Variants in MSRA observed in about 807,000 individuals in gnomAD.
MSRA encodes methionine sulfoxide reductase A.
MSRA carries 54 observed loss-of-function variants against 31.3 expected under a neutral mutation model. The observed-to-expected ratio is 1.73, with a 90% CI of 1.39 to 2.17. The LOEUF is 2.17. Among genes scored for constraint, MSRA ranks in the 30% most tolerant of loss-of-function variants. The probability of loss-of-function intolerance (pLI) is 0.00; values close to 1 mark genes in which losing one functional copy is unlikely to be tolerated. For synonymous variants in MSRA, 169 were observed against 116.5 expected, an observed-to-expected ratio of 1.45 and a Z score of -2.90; for missense variants, 507 against 300.9, an observed-to-expected ratio of 1.69 and a Z score of -5.07.
At chr8:10,360,237 T>G (rs1804766629) in intron 5 of MSRA, among the ~76,000 whole-genome samples, 4 of 152,176 alleles carry the variant, frequency 2.6e-5, no homozygotes, top group Admixed American at 2.6e-4. Flanking sequence ...TTGTTGGATA[T>G]TTTGGTGTTT....
chr8:10,245,003 A>G, intron 2 of MSRA, 101 bp from the exon 3 acceptor site: 1 of 1,087,452 alleles, frequency 9.2e-7, no homozygotes, highest in East Asian at 2.6e-5. Flanking sequence ...TGACAGGAGC[A>G]ACTTTTTTTT....
chr8:10,257,158 T>C (rs1798226938), intron 3 of MSRA, among the ~76,000 whole-genome samples: 2 of 152,028 alleles, frequency 1.3e-5, no homozygotes, highest in South Asian at 4.1e-4. Context: ...ATGACACCAT[T>C]TCCATCAGGG....
At chr8:10,400,635 G>C (rs984261885) in intron 5 of MSRA, among the ~76,000 whole-genome samples, 1 of 152,140 alleles carries the variant, frequency 6.6e-6, no homozygotes, top group Non-Finnish European at 1.5e-5. Context: ...CCTCTCAGGG[G>C]AGTCTGGTTG....
chr8:10,154,993 G>A (rs1188630744), intron 1 of MSRA, among the ~76,000 whole-genome samples: 2 of 103,150 alleles, frequency 1.9e-5, no homozygotes, highest in African/African-American at 9.3e-5. Context: ...TTGATAATGT[G>A]TATATATTTT....
intron 1 of MSRA, among the ~76,000 whole-genome samples, chr8:10,124,904 A>T (rs545028635): frequency 3.9e-5 from 6 of 152,328 alleles, no homozygotes; most frequent in African/African-American, 1.4e-4. Flanking sequence ...GGGAAGATGT[A>T]TTTTATTATT....
At chr8:10,315,617 G>C (rs188055664) in intron 4 of MSRA, among the ~76,000 whole-genome samples, 2 of 152,312 alleles carry the variant, frequency 1.3e-5, no homozygotes, top group East Asian at 1.9e-4. Context: ...CACTATCCAT[G>C]ATGGACTAGC....
chr8:10,170,471 A>T (rs1805497011), intron 1 of MSRA, among the ~76,000 whole-genome samples: 1 of 152,168 alleles, frequency 6.6e-6, no homozygotes, highest in African/African-American at 2.4e-5. Context: ...TGGACTTCCC[A>T]GCCTCCAGAA....
intron 4 of MSRA, among the ~76,000 whole-genome samples, chr8:10,303,448 C>G (rs1800955778): frequency 1.3e-5 from 2 of 152,134 alleles, no homozygotes; most frequent in African/African-American, 2.4e-5. Flanking sequence ...TCTATGGGCT[C>G]TGTGTTTGTA....
At chr8:10,218,954 T>C (rs149805921) in intron 2 of MSRA, among the ~76,000 whole-genome samples, 1 of 152,306 alleles carries the variant, frequency 6.6e-6, no homozygotes, top group Admixed American at 6.5e-5. Context: ...CAAAGCTCTC[T>C]CCACGGAGCA....
chr8:10,266,209 C>T (rs1223880561), intron 3 of MSRA, among the ~76,000 whole-genome samples: 1 of 152,226 alleles, frequency 6.6e-6, no homozygotes, highest in Non-Finnish European at 1.5e-5. Flanking sequence ...ATATTCCCAT[C>T]AGCAGTGTAC....
intron 4 of MSRA, among the ~76,000 whole-genome samples, chr8:10,310,726 A>T (rs575790126): frequency 2.4e-4 from 37 of 152,344 alleles, no homozygotes; most frequent in African/African-American, 8.9e-4. Context: ...TGCTTGACGG[A>T]GGTGGAATTC....
intron 1 of MSRA, among the ~76,000 whole-genome samples, chr8:10,104,589 T>A (rs911325962): frequency 1.3e-5 from 2 of 152,168 alleles, no homozygotes; most frequent in African/African-American, 4.8e-5. Context: ...TGGGTTATGC[T>A]AAGGGGTTGT....
chr8:10,069,148 C>G (rs1585081105), intron 1 of MSRA, among the ~76,000 whole-genome samples: 1 of 152,176 alleles, frequency 6.6e-6, no homozygotes, highest in Non-Finnish European at 1.5e-5. Flanking sequence ...GCTGTAATTT[C>G]TTATTAGTTC....
At chr8:10,172,961 G>C (rs1805724937) in intron 1 of MSRA, among the ~76,000 whole-genome samples, 1 of 152,202 alleles carries the variant, frequency 6.6e-6, no homozygotes, top group South Asian at 2.1e-4. Context: ...AAATAACCAT[G>C]ACACAGATTG....
At chr8:10,104,207 G>T (rs1242693354) in intron 1 of MSRA, among the ~76,000 whole-genome samples, 1 of 152,168 alleles carries the variant, frequency 6.6e-6, no homozygotes, top group African/African-American at 2.4e-5. Flanking sequence ...ACTTAGAAAT[G>T]GAGCCCAGTT....
In MSRA at chr8:10,113,289, C is replaced by CTTTT. The variant is rs1467440154; in HGVS notation, c.142+58633_142+58634insTTTT. On this transcript the variant is annotated intron_variant, in intron 1 of 5. Coordinates refer to ENST00000317173, the MANE Select transcript of MSRA (RefSeq NM_012331.5). ...AGGCATGGCTTTGGTGAAGACAGGTCTTCTTTTTTTTTTTTTTTTTTTTTT... is the reference window on the plus strand; with the variant it reads ...AGGCATGGCTTTGGTGAAGACAGGTCTTTTTTCTTTTTTTTTTTTTTTTTTTTTT... Among the ~76,000 whole-genome samples the CTTTT allele has an allele frequency of 6.9e-3, 349 of 50,812 alleles. 39 individuals are homozygous for CTTTT. Among genetic ancestry groups the CTTTT allele is most frequent in the African/African-American group, 0.027 (242 of 9,010 alleles). 33.3% of individuals were successfully genotyped at this position (50,812 alleles called of 152,430 possible).
intron 5 of MSRA, among the ~76,000 whole-genome samples, chr8:10,388,829 C>G (rs1005473310): frequency 1.3e-5 from 2 of 151,804 alleles, no homozygotes; most frequent in East Asian, 3.9e-4. Flanking sequence ...GTTTGACCTA[C>G]TAGATGCCAT....
At chr8:10,178,478 A>C (rs1806252777) in intron 1 of MSRA, among the ~76,000 whole-genome samples, 1 of 152,198 alleles carries the variant, frequency 6.6e-6, no homozygotes. Context: ...TCCAAGCAGG[A>C]AAGTAATTGA....
At chr8:10,154,999 ATT>A (rs1563159853) in intron 1 of MSRA, among the ~76,000 whole-genome samples, 1 of 100,822 alleles carries the variant, frequency 9.9e-6, no homozygotes, top group Admixed American at 1.0e-4. Context: ...ATGTGTATAT[ATT>A]TTATATATAT....
Sources: gnomAD v4.1 joint callset for allele counts (sites outside exome capture counted in the v4.1 genomes callset) on GRCh38, gnomAD v4.1.1 for gene constraint, MANE v1.5 for transcripts, NCBI Gene and HGNC (gene_info 2026-07-23, HGNC 2026-07-21) for gene names.